PLA2R1: variants seen among roughly 807,000 people sequenced by gnomAD.
The protein encoded by PLA2R1 is phospholipase A2 receptor 1, also known as secretory phospholipase A2 receptor.
PLA2R1 carries 158 observed loss-of-function variants against 195.9 expected under a neutral mutation model. The ratio of observed to expected loss-of-function variants is 0.81; its 90% CI spans 0.71 to 0.92. PLA2R1 has a LOEUF of 0.92. PLA2R1 is among the 40% of genes least tolerant of loss of function. The probability of loss-of-function intolerance (pLI) is 0.00; values close to 1 mark genes in which losing one functional copy is unlikely to be tolerated. For missense variants in PLA2R1, 1,626 were observed against 1,764.6 expected (o/e 0.92, Z 1.41); for synonymous variants, 586 against 598.2 (o/e 0.98, Z 0.30).
Position 159,983,959 on chromosome 2 carries a change from C to A in PLA2R1, c.2152G>T (p.Val718Leu), listed in dbSNP as rs1560175879. The change falls in exon 13 of 30, where the codon GTG becomes TTG. Residue 718 changes from valine to leucine, a missense_variant. Val to Leu is a conservative substitution (Grantham distance 32). Coordinates refer to ENST00000283243, the MANE Select transcript of PLA2R1 (RefSeq NM_007366.5). ...AATTTTGAATGTAAGAGCTCATTCACAAAATTCTCTTCCTCAATATGGGCA... is the reference window on the plus strand; with the variant it reads ...AATTTTGAATGTAAGAGCTCATTCAAAAAATTCTCTTCCTCAATATGGGCA... ...SFAHIEEENF[V>L]NELLHSKFNW... 6.3e-7 allele frequency: 1 copy of A among 1,592,572 alleles called. No individual in the cohort carries two copies.
At chr2:159,954,342 T>TA (rs1687950690) in intron 23 of PLA2R1, among the ~76,000 whole-genome samples, 1 of 151,892 alleles carries the variant, frequency 6.6e-6, no homozygotes, top group Non-Finnish European at 1.5e-5. Context: ...CTCTTGCTGT[T>TA]ACAGATCTAG....
chr2:159,970,896 G>A (rs1689114439), intron 17 of PLA2R1, among the ~76,000 whole-genome samples: 1 of 120,100 alleles, frequency 8.3e-6, no homozygotes, highest in Non-Finnish European at 1.6e-5. Flanking sequence ...AGTGGGAGCT[G>A]AACAATGAGA....
chr2:160,032,254 A>G (rs1693900799), intron 4 of PLA2R1, among the ~76,000 whole-genome samples: 1 of 152,244 alleles, frequency 6.6e-6, no homozygotes, highest in African/African-American at 2.4e-5. Context: ...TACATATGCA[A>G]TAAAATTTGA....
Position 160,033,042 on chromosome 2 carries a change from CAA to C in PLA2R1, c.756_757del (p.Trp253GlufsTer2). 6.2e-7 allele frequency: 1 copy of C among 1,613,262 alleles called. No homozygotes were observed. The highest frequency in any genetic ancestry group is 8.5e-7 in the Non-Finnish European group (1 of 1,179,436). On this transcript the variant is annotated frameshift_variant, in exon 4 of 30. Coordinates refer to ENST00000283243, the MANE Select transcript of PLA2R1 (RefSeq NM_007366.5). LOFTEE classifies it high-confidence loss of function. ...CTGGCATGAAGAATGTGCCTCACTC[CAA>C]GAGAGAGATGAAAGCAGGTTGAACT...
In PLA2R1 at chr2:159,951,365, T is replaced by G. The variant is rs1009244650; in HGVS notation, c.3515A>C (p.His1172Pro). 5.6e-6 allele frequency: 9 copies of G among 1,609,180 alleles called. No individual in the cohort carries two copies. The highest frequency in any genetic ancestry group is 7.7e-6 in the Non-Finnish European group (9 of 1,175,548). Residue 1172 changes from histidine (H) to proline (P), a missense_variant, in exon 24 of 30, where the codon CAC (histidine) becomes CCC (proline). Coordinates refer to ENST00000283243, the MANE Select transcript of PLA2R1 (RefSeq NM_007366.5). ...ATCTGTGGTGAACAGTCCAATCCAG[T>G]GGGCATATCCTAGCCGGTTGAGGAC... Reference protein sequence around the residue: ...TVVLNRLGYAHWIGLFTTDNG... With the variant: ...TVVLNRLGYAPWIGLFTTDNG...
intron 17 of PLA2R1, among the ~76,000 whole-genome samples, chr2:159,971,821 A>C (rs1188176666): frequency 2.0e-5 from 3 of 152,132 alleles, no homozygotes; most frequent in African/African-American, 7.2e-5. Context: ...TAACAATCTA[A>C]TTTATAAACA....
intron 13 of PLA2R1, among the ~76,000 whole-genome samples, chr2:159,983,717 T>C (rs1367606243): frequency 2.0e-5 from 3 of 152,174 alleles, no homozygotes; most frequent in African/African-American, 7.2e-5. Context: ...ATTTCAAATA[T>C]CTAAACAATT....
At chr2:160,040,308 A>T (rs1694447260) in intron 3 of PLA2R1, among the ~76,000 whole-genome samples, 1 of 146,820 alleles carries the variant, frequency 6.8e-6, no homozygotes, top group East Asian at 1.9e-4. Flanking sequence ...CCACCCCCAC[A>T]TTGTAGCAGC....
chr2:160,045,199 T>C (rs1377846978), intron 1 of PLA2R1, 42 bp from the exon 2 acceptor site: 22 of 1,464,010 alleles, frequency 1.5e-5, no homozygotes, highest in Non-Finnish European at 2.1e-5. Context: ...TTTTCATATA[T>C]AATTAACTAG....
chr2:159,987,495 T>C, intron 11 of PLA2R1, 137 bp from the exon 12 acceptor site: 1 of 632,986 alleles, frequency 1.6e-6, no homozygotes, highest in South Asian at 1.9e-5. Context: ...TGAAAACGAA[T>C]GTCTTATTGA....
chr2:159,972,823 C>T, intron 17 of PLA2R1, among the ~76,000 whole-genome samples: 1 of 152,144 alleles, frequency 6.6e-6, no homozygotes, highest in Admixed American at 6.5e-5. Flanking sequence ...AATAAATTCA[C>T]TCTAATCATG....
At chr2:159,967,257 C>T (rs1460245263) in intron 20 of PLA2R1, among the ~76,000 whole-genome samples, 1 of 152,102 alleles carries the variant, frequency 6.6e-6, no homozygotes, top group Non-Finnish European at 1.5e-5. Flanking sequence ...ACATATGTTA[C>T]ACCTAATGAA....
chr2:159,928,831 T>G (rs1224831353), downstream of PLA2R1, among the ~76,000 whole-genome samples: 1 of 151,904 alleles, frequency 6.6e-6, no homozygotes, highest in African/African-American at 2.4e-5. Flanking sequence ...AGAATAGAGA[T>G]CTCAGAAATA....
intron 25 of PLA2R1, among the ~76,000 whole-genome samples, chr2:159,947,767 A>T (rs1049712803): frequency 6.6e-6 from 1 of 152,252 alleles, no homozygotes; most frequent in Non-Finnish European, 1.5e-5. Context: ...TTACCTAAAC[A>T]TAACAAGATA....
intron 17 of PLA2R1, 63 bp downstream of exon 17, chr2:159,976,005 C>T: frequency 8.8e-7 from 1 of 1,138,264 alleles, no homozygotes; most frequent in Non-Finnish European, 1.3e-6. Context: ...TCCCTCCCTC[C>T]CTCCCAAGGG....
At position 159,944,548 on chromosome 2, in the gene PLA2R1, GC is replaced by G. The variant is rs970973331; in HGVS notation, c.4144+357del. Among the ~76,000 whole-genome samples the G allele has an allele frequency of 8.7e-4, 133 of 152,188 alleles. 1 individual carries two copies. The highest frequency in any genetic ancestry group is 3.4e-3 in the Middle Eastern group (1 of 294). ...ATAAGCCTAGATTATATTTCCTGAG[GC>G]CAAACATAAACCTTAAAAATTCTGA... is the stretch of plus-strand genomic sequence containing the variant. On this transcript the variant is annotated intron_variant, in intron 28 of 29. Coordinates refer to ENST00000283243, the MANE Select transcript of PLA2R1 (RefSeq NM_007366.5).
At chr2:160,056,785 T>C (rs1695576016) in intron 1 of PLA2R1, among the ~76,000 whole-genome samples, 1 of 152,162 alleles carries the variant, frequency 6.6e-6, no homozygotes, top group South Asian at 2.1e-4. Flanking sequence ...ACTTCTAAAC[T>C]TAAACATGCA....
chr2:160,009,772 C>T (rs1281868223), intron 10 of PLA2R1, among the ~76,000 whole-genome samples: 1 of 152,054 alleles, frequency 6.6e-6, no homozygotes, highest in African/African-American at 2.4e-5. Flanking sequence ...ATGACAGTTG[C>T]AGGAAAACGG....
chr2:160,011,306 G>A (rs1351046315), intron 10 of PLA2R1, among the ~76,000 whole-genome samples: 1 of 152,166 alleles, frequency 6.6e-6, no homozygotes, highest in Non-Finnish European at 1.5e-5. Flanking sequence ...TCCATTTATT[G>A]TGCTATTCTA....
Sources: allele counts gnomAD v4.1 joint callset (sites outside exome capture counted in the v4.1 genomes callset), GRCh38; gene constraint gnomAD v4.1.1; transcripts MANE v1.5; gene names NCBI Gene and HGNC (gene_info 2026-07-23, HGNC 2026-07-21).